OSBP: variants seen among roughly 807,000 people sequenced by gnomAD.
OSBP encodes oxysterol-binding protein 1.
In OSBP, 32 loss-of-function variants were observed where a neutral mutation model predicts 96.6. The ratio of observed to expected loss-of-function variants is 0.33; its 90% CI spans 0.25 to 0.45. OSBP has a LOEUF of 0.45. Among genes scored for constraint, OSBP ranks in the 20% least tolerant of loss-of-function variants. The pLI is 1.00. For missense variants in OSBP, 653 were observed against 1,029.7 expected, an observed-to-expected ratio of 0.63 and a Z score of 5.01; for synonymous variants, 369 against 389.6, an observed-to-expected ratio of 0.95 and a Z score of 0.62.
At chr11:59,593,932 A>AT in intron 8 of OSBP, 78 bp downstream of exon 8, 2 of 1,550,482 alleles carry the variant, frequency 1.3e-6, no homozygotes, top group Non-Finnish European at 1.8e-6. Flanking sequence ...TTCTGCAAAC[A>AT]TAAGACCCAG....
chr11:59,607,479 TTAAG>T (rs1245080602), intron 3 of OSBP, among the ~76,000 whole-genome samples: 2 of 152,222 alleles, frequency 1.3e-5, no homozygotes, highest in East Asian at 3.9e-4. Context: ...CAACTATCTA[TTAAG>T]TAAGAAAGGG....
chr11:59,595,777 A>T (rs778448850), intron 7 of OSBP, among the ~76,000 whole-genome samples: 4 of 135,234 alleles, frequency 3.0e-5, no homozygotes, highest in Non-Finnish European at 5.0e-5. Flanking sequence ...CCATCTCTAT[A>T]AAAAAAAAAC....
chr11:59,579,403 G>A (rs1293659132), intron 11 of OSBP, among the ~76,000 whole-genome samples: 9 of 147,678 alleles, frequency 6.1e-5, no homozygotes, highest in Non-Finnish European at 8.9e-5. Flanking sequence ...GCGTGATCTC[G>A]GCTCACTGCA....
chr11:59,595,406 T>C (rs756107120), intron 7 of OSBP, among the ~76,000 whole-genome samples: 1 of 152,118 alleles, frequency 6.6e-6, no homozygotes, highest in South Asian at 2.1e-4. Flanking sequence ...AACACTTTTC[T>C]TTCTGATGTT....
At chr11:59,609,364 CAAT>C (rs1860818048) in intron 2 of OSBP, among the ~76,000 whole-genome samples, 1 of 151,882 alleles carries the variant, frequency 6.6e-6, no homozygotes, top group Admixed American at 6.6e-5. Flanking sequence ...AATAGCTCTC[CAAT>C]AATAAGTCAA....
chr11:59,589,605 AAAAT>A (rs1010495308), intron 9 of OSBP, among the ~76,000 whole-genome samples: 1 of 152,018 alleles, frequency 6.6e-6, no homozygotes, highest in African/African-American at 2.4e-5. Context: ...TGTCTCAAAA[AAAAT>A]AAATAAATAA....
intron 2 of OSBP, among the ~76,000 whole-genome samples, chr11:59,609,503 C>T (rs1183487742): frequency 6.8e-6 from 1 of 147,868 alleles, no homozygotes; most frequent in Admixed American, 6.7e-5. Context: ...AAAAAAAAGA[C>T]AAAAGACCTG....
At chr11:59,584,920 T>A (rs1860475179) in intron 9 of OSBP, among the ~76,000 whole-genome samples, 1 of 152,154 alleles carries the variant, frequency 6.6e-6, no homozygotes, top group Non-Finnish European at 1.5e-5. Flanking sequence ...GAAATCCTGA[T>A]AGAATTCATA....
chr11:59,585,973 C>A (rs940639491), intron 9 of OSBP, among the ~76,000 whole-genome samples: 11 of 152,070 alleles, frequency 7.2e-5, no homozygotes, highest in African/African-American at 2.7e-4. Flanking sequence ...AGGCAGCATG[C>A]TGGTTAAGAG....
intron 9 of OSBP, among the ~76,000 whole-genome samples, chr11:59,587,286 A>G (rs1047762060): frequency 2.2e-4 from 34 of 152,182 alleles, no homozygotes; most frequent in Non-Finnish European, 5.0e-4. Context: ...AGATCACTTG[A>G]GGTCAGGAGT....
Position 59,615,722 on chromosome 11 carries a change from GC to G in OSBP, c.-59del. 1 of 1,248,382 alleles carries G rather than the reference GC, an allele frequency of 8.0e-7. No homozygotes were observed. Among genetic ancestry groups the G allele is most frequent in the Non-Finnish European group, 1.0e-6 (1 of 996,230 alleles). The allele number at this position is 1,248,382 out of a possible 1,614,324, so 77.3% of individuals were successfully genotyped here. On this transcript the variant is annotated 5_prime_UTR_variant, in exon 1 of 14. Coordinates refer to ENST00000263847, the MANE Select transcript of OSBP (RefSeq NM_002556.3). ...ACCGCCTACGAGAGCCGCCGTCGCC[GC>G]CCGGAGCGCCCCACACGGCTACCGC...
rs1217450247 is a variant in OSBP at position 59,575,448 on chromosome 11, C to T, written c.*1129G>A. On this transcript the variant is annotated 3_prime_UTR_variant, in exon 14 of 14. Transcript: ENST00000263847. ...TCAACACGTGTCCAAGAAAGAGTCT[C>T]AGGGAGACAAGGGTATCAAAAAACA... 6.6e-6 allele frequency: 1 copy of T among 152,400 alleles called. No homozygotes were observed. Among genetic ancestry groups the T allele is most frequent in the East Asian group, 1.9e-4 (1 of 5,196 alleles). The allele number at this position is 152,400 out of a possible 1,614,324, so 9.4% of individuals were successfully genotyped here.
intron 1 of OSBP, 44 bp downstream of exon 1, chr11:59,615,259 T>C: frequency 6.7e-7 from 1 of 1,497,116 alleles, no homozygotes. Flanking sequence ...TGTTGGCAGA[T>C]ATGGGGGAGG....
intron 9 of OSBP, among the ~76,000 whole-genome samples, chr11:59,584,643 A>C (rs1219184956): frequency 6.6e-6 from 1 of 152,172 alleles, no homozygotes; most frequent in Non-Finnish European, 1.5e-5. Flanking sequence ...AAAATACCTC[A>C]CCATAATAAA....
chr11:59,580,099 A>G, intron 11 of OSBP, 75 bp downstream of exon 11: 4 of 956,228 alleles, frequency 4.2e-6, no homozygotes, highest in South Asian at 1.3e-5. Context: ...ATGTATATAC[A>G]TTCCAGTCCT....
intron 9 of OSBP, among the ~76,000 whole-genome samples, chr11:59,588,748 G>A (rs947452838): frequency 1.3e-5 from 2 of 152,108 alleles, no homozygotes; most frequent in Non-Finnish European, 2.9e-5. Context: ...GCTCATGCCT[G>A]TAATTCCAGC....
chr11:59,603,541 T>G (rs991137933), intron 3 of OSBP, among the ~76,000 whole-genome samples: 11 of 148,398 alleles, frequency 7.4e-5, no homozygotes, highest in African/African-American at 1.0e-4. Flanking sequence ...TTTTTTTTTT[T>G]TTTTTTTTTT....
rs558603609 is a variant in OSBP, at chr11:59,575,856, A to G, written c.*721T>C. 6.6e-6 allele frequency: 1 copy of G among 152,274 alleles called. No homozygotes were observed. The highest frequency in any genetic ancestry group is 1.9e-4 in the East Asian group (1 of 5,180). The allele number at this position is 152,274 out of a possible 1,614,324, so 9.4% of individuals were successfully genotyped here. A position where few individuals can be genotyped will look rare whatever the true frequency, so the allele number is the denominator to read the frequency against. Reference sequence around the variant, plus strand: ...TAAAACCCCTTTGTGAGGAGAATGCACCCCCTTACCAATGACCAAAGTGGT... The same window carrying G: ...TAAAACCCCTTTGTGAGGAGAATGCGCCCCCTTACCAATGACCAAAGTGGT... On this transcript the variant is annotated 3_prime_UTR_variant, in exon 14 of 14. Transcript: ENST00000263847.
intron 7 of OSBP, 115 bp from the exon 8 acceptor site, chr11:59,594,370 AG>A: frequency 4.1e-6 from 4 of 977,192 alleles, no homozygotes; most frequent in Non-Finnish European, 6.1e-6. Flanking sequence ...TGCTCAGTAG[AG>A]CGGCTCTAAT....
Sources: gnomAD v4.1 joint callset for allele counts (sites outside exome capture counted in the v4.1 genomes callset) on GRCh38, gnomAD v4.1.1 for gene constraint, MANE v1.5 for transcripts, NCBI Gene and HGNC (gene_info 2026-07-23, HGNC 2026-07-21) for gene names.